The following NALF1 variants were observed in gnomAD, a reference collection of about 807,000 sequenced individuals.
The protein encoded by NALF1 is family with sequence similarity 155 member A.
In NALF1, 3 loss-of-function variants were observed where a neutral mutation model predicts 48.4. The ratio of observed to expected loss-of-function variants is 0.06; its 90% CI spans 0.03 to 0.16. The LOEUF is 0.16. Ranked by LOEUF, NALF1 falls within the 10% of genes least tolerant of loss-of-function variation. NALF1 has a pLI of 1.00. For synonymous variants in NALF1, 262 were observed against 245.7 expected, an observed-to-expected ratio of 1.07 and a Z score of -0.62; for missense variants, 526 against 571.5, an observed-to-expected ratio of 0.92 and a Z score of 0.81.
At chr13:107,306,171 A>C (rs1881932994) in intron 1 of NALF1, among the ~76,000 whole-genome samples, 1 of 152,224 alleles carries the variant, frequency 6.6e-6, no homozygotes, top group African/African-American at 2.4e-5. Context: ...ATTATAACTC[A>C]AAGAGCTCTT....
chr13:107,256,466 A>G (rs562637517), intron 1 of NALF1, among the ~76,000 whole-genome samples: 9 of 152,234 alleles, frequency 5.9e-5, no homozygotes, highest in Non-Finnish European at 1.2e-4. Flanking sequence ...AATAAACCAC[A>G]TTAAATTAAA....
At chr13:107,432,378 C>T (rs1484061668) in intron 1 of NALF1, among the ~76,000 whole-genome samples, 2 of 152,144 alleles carry the variant, frequency 1.3e-5, no homozygotes, top group Non-Finnish European at 2.9e-5. Flanking sequence ...ACTATCATCA[C>T]AAATTTCTTG....
intron 1 of NALF1, among the ~76,000 whole-genome samples, chr13:107,220,943 A>G (rs1047192821): frequency 1.3e-5 from 2 of 152,150 alleles, no homozygotes; most frequent in Non-Finnish European, 2.9e-5. Flanking sequence ...TGTATATAAT[A>G]TAAACACCAT....
At chr13:107,531,948 G>A (rs1317701941) in intron 1 of NALF1, among the ~76,000 whole-genome samples, 1 of 151,980 alleles carries the variant, frequency 6.6e-6, no homozygotes, top group Non-Finnish European at 1.5e-5. Flanking sequence ...TTTTCTAGAT[G>A]ACTAACATGG....
intron 1 of NALF1, among the ~76,000 whole-genome samples, chr13:107,322,135 C>T (rs1000508753): frequency 3.9e-5 from 6 of 152,146 alleles, no homozygotes; most frequent in Non-Finnish European, 7.3e-5. Flanking sequence ...ATTGGCTGGT[C>T]ATGTGAATCC....
At chr13:107,361,445 T>C (rs1381789568) in intron 1 of NALF1, among the ~76,000 whole-genome samples, 1 of 151,818 alleles carries the variant, frequency 6.6e-6, no homozygotes, top group Non-Finnish European at 1.5e-5. Context: ...CGGTAAAATA[T>C]GTGGAGAAGA....
At chr13:107,198,189 G>C (rs1879433437) in intron 2 of NALF1, among the ~76,000 whole-genome samples, 1 of 152,062 alleles carries the variant, frequency 6.6e-6, no homozygotes, top group African/African-American at 2.4e-5. Context: ...ACAGAGAGTG[G>C]CTTGATTTTT....
chr13:107,347,925 G>A (rs1882803430), intron 1 of NALF1, among the ~76,000 whole-genome samples: 1 of 152,184 alleles, frequency 6.6e-6, no homozygotes, highest in Non-Finnish European at 1.5e-5. Flanking sequence ...TGACCCAGCA[G>A]CGACTCTACG....
chr13:107,846,037 T>C (rs1038582917), intron 1 of NALF1, among the ~76,000 whole-genome samples: 11 of 152,134 alleles, frequency 7.2e-5, no homozygotes, highest in African/African-American at 2.7e-4. Context: ...TACAAATCTA[T>C]CTTCTTTGAG....
At chr13:107,831,920 T>A (rs1879744673) in intron 1 of NALF1, among the ~76,000 whole-genome samples, 1 of 152,194 alleles carries the variant, frequency 6.6e-6, no homozygotes, top group South Asian at 2.1e-4. Flanking sequence ...AGACAGTTAA[T>A]TTTAAGGAAG....
chr13:107,211,425 A>T (rs977145266), intron 1 of NALF1, among the ~76,000 whole-genome samples: 1 of 152,220 alleles, frequency 6.6e-6, no homozygotes, highest in Non-Finnish European at 1.5e-5. Flanking sequence ...CCACAGCTTC[A>T]ACCTTCTGGA....
chr13:107,223,482 A>C (rs1291116664), intron 1 of NALF1, among the ~76,000 whole-genome samples: 1 of 152,208 alleles, frequency 6.6e-6, no homozygotes, highest in Non-Finnish European at 1.5e-5. Context: ...TTGACATTTT[A>C]GATCATGTTA....
At chr13:107,519,275 G>T (rs1430130486) in intron 1 of NALF1, among the ~76,000 whole-genome samples, 4 of 151,844 alleles carry the variant, frequency 2.6e-5, no homozygotes, top group Admixed American at 2.6e-4. Flanking sequence ...TTGATTGCAG[G>T]TTATTAACAA....
At chr13:107,634,612 A>G (rs181469079) in intron 1 of NALF1, among the ~76,000 whole-genome samples, 2 of 152,218 alleles carry the variant, frequency 1.3e-5, no homozygotes, top group Admixed American at 1.3e-4. Flanking sequence ...AACCAGACAA[A>G]AGGAGGAACA....
At chr13:107,865,349 AAG>A (rs1409618324) in intron 1 of NALF1, among the ~76,000 whole-genome samples, 1 of 152,138 alleles carries the variant, frequency 6.6e-6, no homozygotes, top group African/African-American at 2.4e-5. Context: ...TTTTCCTGAC[AAG>A]ACTTTTTCAA....
chr13:107,258,469 A>G (rs1024579307), intron 1 of NALF1, among the ~76,000 whole-genome samples: 9 of 152,206 alleles, frequency 5.9e-5, no homozygotes, highest in African/African-American at 1.9e-4. Context: ...TCAAAAGTTC[A>G]TAATTAGTTG....
chr13:107,408,354 C>T (rs766234772), intron 1 of NALF1, among the ~76,000 whole-genome samples: 9 of 151,996 alleles, frequency 5.9e-5, no homozygotes, highest in East Asian at 1.9e-4. Context: ...GTGATTATTA[C>T]GCGTTGCATG....
intron 2 of NALF1, among the ~76,000 whole-genome samples, chr13:107,208,295 T>A (rs1250361661): frequency 2.0e-5 from 3 of 152,184 alleles, no homozygotes; most frequent in South Asian, 4.1e-4. Context: ...CTGGATCTGA[T>A]AAATCTCTCT....
At position 107,269,913 on chromosome 13, in the gene NALF1, ATTTTTTTT is replaced by A. The variant is rs71121514; in HGVS notation, c.916-59166_916-59159del. Reference sequence around the variant, plus strand: ...AGGTGCCCACCACCACGCCCGGCTAATTTTTTTTTTTTTTTTTTTTTTTTTTTTTTGTA... The same window carrying A: ...AGGTGCCCACCACCACGCCCGGCTAATTTTTTTTTTTTTTTTTTTTTTGTA... On this transcript the variant is annotated intron_variant, in intron 1 of 2. Coordinates refer to ENST00000375915, the MANE Select transcript of NALF1 (RefSeq NM_001080396.3). 8.1e-4 allele frequency among the ~76,000 whole-genome samples: 72 copies of A among 89,044 alleles called. 1 individual carries two copies. The highest frequency in any genetic ancestry group is 2.7e-3 in the African/African-American group (57 of 20,774). 58.4% of individuals were successfully genotyped at this position (89,044 alleles called of 152,430 possible). A position where few individuals can be genotyped will look rare whatever the true frequency, so the allele number is the denominator to read the frequency against.
Sources: gnomAD v4.1 joint callset for allele counts (sites outside exome capture counted in the v4.1 genomes callset) on GRCh38, gnomAD v4.1.1 for gene constraint, MANE v1.5 for transcripts, NCBI Gene and HGNC (gene_info 2026-07-23, HGNC 2026-07-21) for gene names.